The following PRKCH variants were observed in gnomAD, a reference collection of about 807,000 sequenced individuals.
PRKCH encodes the protein protein kinase C eta.
Under a neutral mutation model 82.5 loss-of-function variants are expected in PRKCH, and 28 were observed. That is an observed-to-expected ratio of 0.34 (90% CI 0.25 to 0.47). PRKCH has a LOEUF of 0.47. PRKCH is among the 20% of genes least tolerant of loss of function. The pLI, the probability that PRKCH is intolerant of heterozygous loss-of-function variation, is 1.00. For missense variants in PRKCH, 705 were observed against 881.8 expected (o/e 0.80, Z 2.54); for synonymous variants, 322 against 327.4 (o/e 0.98, Z 0.18).
intron 1 of PRKCH, among the ~76,000 whole-genome samples, chr14:61,359,031 C>G (rs2046189468): frequency 6.6e-6 from 1 of 152,202 alleles, no homozygotes; most frequent in Non-Finnish European, 1.5e-5. Flanking sequence ...GGATCATAAT[C>G]TATTTATGTG....
chr14:61,204,788 T>G (rs974143013), intron 1 of PRKCH, among the ~76,000 whole-genome samples: 27 of 139,018 alleles, frequency 1.9e-4, no homozygotes, highest in South Asian at 1.3e-3. Context: ...AGAAAAGAAA[T>G]AAATAGAGGT....
intron 10 of PRKCH, among the ~76,000 whole-genome samples, chr14:61,526,521 C>T (rs915953940): frequency 3.3e-5 from 5 of 152,220 alleles, no homozygotes; most frequent in African/African-American, 1.2e-4. Context: ...TTCTGTAAGA[C>T]CTGTATGGCC....
intron 10 of PRKCH, among the ~76,000 whole-genome samples, chr14:61,496,601 G>T (rs1396511503): frequency 6.6e-6 from 1 of 152,040 alleles, no homozygotes; most frequent in African/African-American, 2.4e-5. Flanking sequence ...TGTTCCCATG[G>T]CATCCCGTGA....
At chr14:61,450,458 T>C (rs968170195) in intron 5 of PRKCH, among the ~76,000 whole-genome samples, 34 of 152,218 alleles carry the variant, frequency 2.2e-4, no homozygotes, top group Non-Finnish European at 2.8e-4. Flanking sequence ...CTTACAGTGA[T>C]AGCAAGTATA....
At chr14:61,520,879 A>G in intron 10 of PRKCH, among the ~76,000 whole-genome samples, 1 of 152,234 alleles carries the variant, frequency 6.6e-6, no homozygotes, top group East Asian at 1.9e-4. Flanking sequence ...TGGCATTTCT[A>G]CTTCTAAAAA....
intron 1 of PRKCH, among the ~76,000 whole-genome samples, chr14:61,297,054 TA>T (rs1267493379): frequency 7.2e-6 from 1 of 139,680 alleles, no homozygotes; most frequent in Non-Finnish European, 1.5e-5. Flanking sequence ...TTTACTATTT[TA>T]TTATTATTTC....
chr14:61,450,807 T>A, intron 5 of PRKCH, 35 bp from the exon 6 acceptor site: 1 of 1,604,884 alleles, frequency 6.2e-7, no homozygotes, highest in Middle Eastern at 1.7e-4. Context: ...TGGTATGACA[T>A]TTTAGCTCTT....
chr14:61,214,675 C>G (rs1566783273), intron 1 of PRKCH, among the ~76,000 whole-genome samples: 1 of 152,130 alleles, frequency 6.6e-6, no homozygotes, highest in African/African-American at 2.4e-5. Flanking sequence ...CCTTCCCCAT[C>G]TGACCCCTCT....
At chr14:61,352,531 G>T (rs900987304) in intron 1 of PRKCH, among the ~76,000 whole-genome samples, 3 of 152,004 alleles carry the variant, frequency 2.0e-5, no homozygotes, top group African/African-American at 7.3e-5. Flanking sequence ...GGGCGTGGTG[G>T]TGTGCACTTG....
intron 10 of PRKCH, among the ~76,000 whole-genome samples, chr14:61,525,434 C>A (rs1156235711): frequency 6.6e-6 from 1 of 152,174 alleles, no homozygotes; most frequent in Non-Finnish European, 1.5e-5. Flanking sequence ...TCTAACCTGC[C>A]TTTGTGGCCT....
intron 9 of PRKCH, among the ~76,000 whole-genome samples, chr14:61,466,818 G>A (rs912617): frequency 6.6e-6 from 1 of 152,068 alleles, no homozygotes; most frequent in Non-Finnish European, 1.5e-5. Context: ...CTGCTGGGGC[G>A]TCTTTACGAT....
At chr14:61,429,373 A>G (rs1883278763) in intron 2 of PRKCH, among the ~76,000 whole-genome samples, 1 of 152,228 alleles carries the variant, frequency 6.6e-6, no homozygotes, top group Non-Finnish European at 1.5e-5. Context: ...TCAAAGACAG[A>G]TGGTGAAGCA....
At chr14:61,353,043 A>G (rs911041710) in intron 1 of PRKCH, among the ~76,000 whole-genome samples, 3 of 152,322 alleles carry the variant, frequency 2.0e-5, no homozygotes, top group Admixed American at 1.3e-4. Context: ...GTAAATAAAG[A>G]TTACACATTG....
At chr14:61,325,659 A>C (rs2045685650) in intron 1 of PRKCH, among the ~76,000 whole-genome samples, 1 of 152,226 alleles carries the variant, frequency 6.6e-6, no homozygotes, top group Non-Finnish European at 1.5e-5. Flanking sequence ...AATGTTTAAG[A>C]AAATAAAAAC....
At chr14:61,282,694 A>T (rs572032396) in intron 1 of PRKCH, among the ~76,000 whole-genome samples, 1 of 152,306 alleles carries the variant, frequency 6.6e-6, no homozygotes, top group Middle Eastern at 3.4e-3. Context: ...GCATTCTACA[A>T]GTCACATTAA....
chr14:61,258,185 G>T (rs878924554), intron 1 of PRKCH, among the ~76,000 whole-genome samples: 1 of 152,052 alleles, frequency 6.6e-6, no homozygotes, highest in Non-Finnish European at 1.5e-5. Flanking sequence ...CCATGTTTAT[G>T]GTCAAAATTA....
intron 1 of PRKCH, among the ~76,000 whole-genome samples, chr14:61,259,006 C>T (rs951032308): frequency 1.3e-5 from 2 of 152,144 alleles, no homozygotes; most frequent in African/African-American, 2.4e-5. Flanking sequence ...GCCAAGTTCA[C>T]GAAGTCAATT....
chr14:61,336,547 A>G (rs2140132893), intron 1 of PRKCH, among the ~76,000 whole-genome samples: 1 of 152,382 alleles, frequency 6.6e-6, no homozygotes, highest in African/African-American at 2.4e-5. Context: ...AGAACCAACA[A>G]ACCAGAAATA....
At chr14:61,482,175 T>G (rs1886007182) in intron 9 of PRKCH, among the ~76,000 whole-genome samples, 1 of 151,524 alleles carries the variant, frequency 6.6e-6, no homozygotes, top group African/African-American at 2.4e-5. Flanking sequence ...TCTTGTACTT[T>G]TAGTAGAGAC....
Sources: allele counts gnomAD v4.1 joint callset (sites outside exome capture counted in the v4.1 genomes callset), GRCh38; gene constraint gnomAD v4.1.1; transcripts MANE v1.5; gene names NCBI Gene and HGNC (gene_info 2026-07-23, HGNC 2026-07-21).